Variants in NALF1 observed in about 807,000 individuals in gnomAD.
The protein encoded by NALF1 is family with sequence similarity 155 member A.
Under a neutral mutation model 48.4 loss-of-function variants are expected in NALF1, and 3 were observed. The observed-to-expected ratio is 0.06, with a 90% confidence interval of 0.03 to 0.16. The LOEUF is 0.16. NALF1 is among the 10% of genes least tolerant of loss of function. The probability of loss-of-function intolerance (pLI) is 1.00; values close to 1 mark genes in which losing one functional copy is unlikely to be tolerated. For missense variants in NALF1, 526 were observed against 571.5 expected (o/e 0.92, Z 0.81); for synonymous variants, 262 against 245.7 (o/e 1.07, Z -0.62).
chr13:107,292,992 CTT>C (rs55786928), intron 1 of NALF1, among the ~76,000 whole-genome samples: 54 of 110,632 alleles, frequency 4.9e-4, no homozygotes, highest in East Asian at 2.5e-3. Context: ...TTTTCTTTTT[CTT>C]TTTTTTTTTT....
intron 1 of NALF1, among the ~76,000 whole-genome samples, chr13:107,561,860 T>C (rs993008671): frequency 3.3e-5 from 5 of 152,234 alleles, no homozygotes; most frequent in Admixed American, 2.6e-4. Flanking sequence ...AGACAACATA[T>C]TGCTAGCCGT....
chr13:107,823,265 C>A (rs148317865), intron 1 of NALF1, among the ~76,000 whole-genome samples: 1 of 152,180 alleles, frequency 6.6e-6, no homozygotes, highest in African/African-American at 2.4e-5. Flanking sequence ...CAATTAAAAG[C>A]TCCATCTTAC....
At chr13:107,417,129 T>G (rs1732272089) in intron 1 of NALF1, among the ~76,000 whole-genome samples, 2 of 152,210 alleles carry the variant, frequency 1.3e-5, no homozygotes, top group African/African-American at 4.8e-5. Context: ...CATACTGTTG[T>G]TTAACTCTTT....
intron 1 of NALF1, among the ~76,000 whole-genome samples, chr13:107,819,683 T>TTCTTTCTCTC (rs1879298031): frequency 1.5e-5 from 2 of 136,552 alleles, no homozygotes; most frequent in African/African-American, 5.4e-5. Flanking sequence ...CAGCTGGAAA[T>TTCTTTCTCTC]TCTCTCTCTC....
chr13:107,600,195 G>A (rs1431623219), intron 1 of NALF1, among the ~76,000 whole-genome samples: 1 of 152,178 alleles, frequency 6.6e-6, no homozygotes, highest in African/African-American at 2.4e-5. Context: ...TTACAGTGAC[G>A]ATTGGAAGAC....
rs762261561 is a variant in NALF1 at position 107,419,858 on chromosome 13, T to A, written c.916-209103A>T. On this transcript the variant is annotated intron_variant, in intron 1 of 2. Transcript: ENST00000375915. Reference sequence around the variant, plus strand: ...TTTATCTGCAAGTGCAATTGCTCATTAGTTAATTCTCAATCTCTCTGGAAA... The same window carrying A: ...TTTATCTGCAAGTGCAATTGCTCATAAGTTAATTCTCAATCTCTCTGGAAA... 8.9e-4 allele frequency among the ~76,000 whole-genome samples: 135 copies of A among 152,346 alleles called. 1 individual carries two copies. Among genetic ancestry groups the A allele is most frequent in the Middle Eastern group, 3.4e-3 (1 of 294 alleles).
At chr13:107,273,936 C>T (rs1210344730) in intron 1 of NALF1, among the ~76,000 whole-genome samples, 4 of 152,090 alleles carry the variant, frequency 2.6e-5, no homozygotes, top group African/African-American at 9.7e-5. Context: ...GGAGAGGAAT[C>T]GTCATGCTCA....
chr13:107,332,682 CTCTT>C (rs1463433607), intron 1 of NALF1, among the ~76,000 whole-genome samples: 1 of 152,124 alleles, frequency 6.6e-6, no homozygotes, highest in Non-Finnish European at 1.5e-5. Flanking sequence ...ATGCAGCTGC[CTCTT>C]TCTTATGGTA....
intron 1 of NALF1, among the ~76,000 whole-genome samples, chr13:107,710,288 C>T (rs1444957790): frequency 1.3e-5 from 2 of 152,016 alleles, no homozygotes; most frequent in African/African-American, 2.4e-5. Context: ...GCAACAATTG[C>T]CCATTAGATA....
chr13:107,414,209 T>TCTAA (rs1566332325), intron 1 of NALF1, among the ~76,000 whole-genome samples: 1 of 152,084 alleles, frequency 6.6e-6, no homozygotes. Context: ...GAAAAACATA[T>TCTAA]ATATATAGAA....
chr13:107,252,631 T>A, intron 1 of NALF1, among the ~76,000 whole-genome samples: 1 of 152,064 alleles, frequency 6.6e-6, no homozygotes, highest in East Asian at 1.9e-4. Flanking sequence ...TCTAATTCCT[T>A]GCAAGTGAAT....
chr13:107,649,983 A>T (rs1250084424), intron 1 of NALF1, among the ~76,000 whole-genome samples: 1 of 152,214 alleles, frequency 6.6e-6, no homozygotes, highest in Non-Finnish European at 1.5e-5. Flanking sequence ...AATAAATTAT[A>T]GAACTTAAAG....
chr13:107,177,653 ACT>A (rs1223548669), intron 2 of NALF1, among the ~76,000 whole-genome samples: 1 of 152,156 alleles, frequency 6.6e-6, no homozygotes, highest in African/African-American at 2.4e-5. Context: ...GAAAGGACAG[ACT>A]CTTCAATAAA....
In NALF1 at chr13:107,661,588, C is replaced by T. The variant is rs117354708; in HGVS notation, c.915+204094G>A. Among the ~76,000 whole-genome samples the T allele has an allele frequency of 4.4e-4, 67 of 152,210 alleles. No individual in the cohort carries two copies. In the East Asian group the frequency reaches 0.011, roughly 25 times the overall value. ...ACAAATAAAAGCACTCGGCATAATA[C>T]CTTAACCAAGACATGCCACATAACC... is the stretch of plus-strand genomic sequence containing the variant. On this transcript the variant is annotated intron_variant, in intron 1 of 2. Transcript: ENST00000375915.
chr13:107,565,475 T>C (rs762834869), intron 1 of NALF1, among the ~76,000 whole-genome samples: 10 of 151,424 alleles, frequency 6.6e-5, no homozygotes, highest in Non-Finnish European at 1.3e-4. Flanking sequence ...GAAAGCAATG[T>C]TCTAATAAAA....
chr13:107,192,646 A>G (rs576663125), intron 2 of NALF1, among the ~76,000 whole-genome samples: 3 of 134,798 alleles, frequency 2.2e-5, no homozygotes, highest in Admixed American at 7.3e-5. Context: ...GCCTTTAACC[A>G]TATCTATTAC....
Position 107,620,770 on chromosome 13 carries a change from T to C in NALF1, c.915+244912A>G, listed in dbSNP as rs576369129. ...CGCCACACTTGTCTTTGGTATTCCA[T>C]TCCCACTGGACTATGTGACAGAGAA... On this transcript the variant is annotated intron_variant, in intron 1 of 2. Coordinates refer to ENST00000375915, the MANE Select transcript of NALF1 (RefSeq NM_001080396.3). Among the ~76,000 whole-genome samples, 5 of 152,312 alleles carry C rather than the reference T, an allele frequency of 3.3e-5. No homozygotes were observed. The East Asian group carries it at 9.6e-4, about 29-fold the overall frequency.
intron 1 of NALF1, among the ~76,000 whole-genome samples, chr13:107,693,337 C>G (rs188443153): frequency 0.31 from 39,678 of 127,174 alleles, 6,138 homozygotes; most frequent in Middle Eastern, 0.52. Context: ...GTAGGGGGGG[C>G]GGGAGGGATA....
intron 1 of NALF1, among the ~76,000 whole-genome samples, chr13:107,831,560 T>G (rs1257514375): frequency 6.6e-6 from 1 of 152,110 alleles, no homozygotes; most frequent in East Asian, 1.9e-4. Flanking sequence ...CTAAAATTAC[T>G]GAGTAGTGCT....
Sources: gnomAD v4.1 joint callset for allele counts (sites outside exome capture counted in the v4.1 genomes callset) on GRCh38, gnomAD v4.1.1 for gene constraint, MANE v1.5 for transcripts, NCBI Gene and HGNC (gene_info 2026-07-23, HGNC 2026-07-21) for gene names.